The following WWC1 variants were observed in gnomAD, a reference collection of about 807,000 sequenced individuals.
The protein encoded by WWC1 is protein KIBRA.
WWC1 carries 55 observed loss-of-function variants against 138.4 expected under a neutral mutation model. The observed-to-expected ratio is 0.40, with a 90% CI of 0.32 to 0.50. The LOEUF (loss-of-function observed/expected upper bound fraction) is 0.50, where lower values mean the gene tolerates loss of function less well. Among genes scored for constraint, WWC1 ranks in the 20% least tolerant of loss-of-function variants. The probability of loss-of-function intolerance (pLI) is 0.72; values close to 1 mark genes in which losing one functional copy is unlikely to be tolerated. For synonymous variants in WWC1, 524 were observed against 564.9 expected (o/e 0.93, Z 1.03); for missense variants, 1,226 against 1,420.4 (o/e 0.86, Z 2.20).
At chr5:168,399,355 G>A (rs1234848950) in intron 4 of WWC1, 133 bp from the exon 5 acceptor site, 5 of 820,338 alleles carry the variant, frequency 6.1e-6, no homozygotes, top group East Asian at 2.7e-5. Flanking sequence ...GACCAGTGTG[G>A]CGCAAGGGGT....
chr5:168,471,253 CT>C lies in WWC1; in HGVS notation c.*2237del, dbSNP rs1757659837. On this transcript the variant is annotated 3_prime_UTR_variant, in exon 23 of 23. Coordinates refer to ENST00000265293, the MANE Select transcript of WWC1 (RefSeq NM_015238.3). ...TTCCCCCTGTGGCTTCCAGGCCCCC[CT>C]GTATAGCTGCTATCCAGCCCGATTT... 6.5e-6 allele frequency: 1 copy of C among 152,876 alleles called. No homozygotes were observed. The highest frequency in any genetic ancestry group is 2.4e-5 in the African/African-American group (1 of 41,468). The allele number at this position is 152,876 out of a possible 1,614,324, so 9.5% of individuals were successfully genotyped here. A position where few individuals can be genotyped will look rare whatever the true frequency, so the allele number is the denominator to read the frequency against.
chr5:168,343,194 A>G (rs796425678), intron 1 of WWC1, among the ~76,000 whole-genome samples: 2 of 140,968 alleles, frequency 1.4e-5, no homozygotes, highest in African/African-American at 2.8e-5. Flanking sequence ...GTGCTAGGAG[A>G]TACAGAAATA....
chr5:168,453,582 G>A (rs577327452), intron 17 of WWC1, among the ~76,000 whole-genome samples: 5 of 152,046 alleles, frequency 3.3e-5, no homozygotes, highest in African/African-American at 7.2e-5. Context: ...TTTCACTCTT[G>A]TTGCCCAGGC....
At chr5:168,309,741 C>T (rs1770899090) in intron 1 of WWC1, among the ~76,000 whole-genome samples, 1 of 152,066 alleles carries the variant, frequency 6.6e-6, no homozygotes, top group South Asian at 2.1e-4. Context: ...AACATAGAGA[C>T]CTCTCCCTCT....
At chr5:168,369,326 G>C (rs1053202119) in intron 1 of WWC1, among the ~76,000 whole-genome samples, 1 of 152,164 alleles carries the variant, frequency 6.6e-6, no homozygotes, top group African/African-American at 2.4e-5. Flanking sequence ...CTCAGAGAAG[G>C]AAAGTAAGTT....
At chr5:168,420,343 C>T (rs370067959) in intron 9 of WWC1, among the ~76,000 whole-genome samples, 10 of 152,282 alleles carry the variant, frequency 6.6e-5, no homozygotes, top group South Asian at 2.1e-4. Flanking sequence ...GGTCTTCCCC[C>T]GTGCCTGTGC....
At chr5:168,395,603 A>G (rs766783722) in intron 3 of WWC1, among the ~76,000 whole-genome samples, 2 of 152,190 alleles carry the variant, frequency 1.3e-5, no homozygotes, top group African/African-American at 2.4e-5. Context: ...TGAAATCCCC[A>G]AGTCTAGCAA....
At chr5:168,346,512 A>G (rs1368009445) in intron 1 of WWC1, among the ~76,000 whole-genome samples, 1 of 152,158 alleles carries the variant, frequency 6.6e-6, no homozygotes, top group Non-Finnish European at 1.5e-5. Flanking sequence ...ACAGGTAGAA[A>G]CACAGTGCCT....
At chr5:168,350,246 A>T (rs373808103) in intron 1 of WWC1, among the ~76,000 whole-genome samples, 1 of 152,194 alleles carries the variant, frequency 6.6e-6, no homozygotes, top group African/African-American at 2.4e-5. Flanking sequence ...ATGCAAAAAG[A>T]GGTCTCTCTT....
At chr5:168,354,740 C>A (rs1044633326) in intron 1 of WWC1, among the ~76,000 whole-genome samples, 6 of 152,118 alleles carry the variant, frequency 3.9e-5, no homozygotes, top group Non-Finnish European at 8.8e-5. Context: ...AGGGAGGGTT[C>A]TCAGGGCCCG....
rs10527141 is a variant in WWC1 at position 168,465,548 on chromosome 5, CTT to C, written c.3150+613_3150+614del. On this transcript the variant is annotated intron_variant, in intron 21 of 22. Coordinates refer to ENST00000265293, the MANE Select transcript of WWC1 (RefSeq NM_015238.3). ...CACACAAAGTTTTATATCAGCTGGG[CTT>C]TTTTTTTTTTTTTTTTTTTTTTTTT... is the stretch of plus-strand genomic sequence containing the variant. Among the ~76,000 whole-genome samples, 124 of 46,940 alleles carry C rather than the reference CTT, an allele frequency of 2.6e-3. 37 individuals are homozygous for C. The highest frequency in any genetic ancestry group is 8.6e-3 in the African/African-American group (102 of 11,924). 30.8% of individuals were successfully genotyped at this position (46,940 alleles called of 152,430 possible).
intron 2 of WWC1, among the ~76,000 whole-genome samples, chr5:168,371,887 T>C (rs960840677): frequency 2.0e-5 from 3 of 152,116 alleles, no homozygotes; most frequent in Non-Finnish European, 4.4e-5. Context: ...TATTTACATA[T>C]GTAAATTTGT....
At position 168,423,946 on chromosome 5, in the gene WWC1, A is replaced by G. The variant is rs1339278462; in HGVS notation, c.1688A>G (p.Asn563Ser). ...DPLLAGDAFLNSLEFEDPELS... is the reference protein window; with the variant it reads ...DPLLAGDAFLSSLEFEDPELS... ...CTCCTGGCTGGTGATGCCTTCCTCA[A>G]CTCCTTGGAGTTTGAAGACCCGGAG... Residue 563 changes from asparagine (N) to serine (S), a missense_variant, in exon 11 of 23, where the codon AAC becomes AGC. This residue lies in a region of WWC1 where 1,016 missense variants were observed against 1,153.9 expected (regional missense o/e 0.88). Transcript: ENST00000265293. 1.2e-6 allele frequency: 2 copies of G among 1,613,184 alleles called. No individual in the cohort carries two copies. The highest frequency in any genetic ancestry group is 1.6e-4 in the Middle Eastern group (1 of 6,084).
chr5:168,466,059 C>G (rs1757272975), intron 21 of WWC1, among the ~76,000 whole-genome samples: 2 of 152,158 alleles, frequency 1.3e-5, no homozygotes, highest in African/African-American at 4.8e-5. Context: ...AGCACAGCAG[C>G]AGCTTGGGGT....
At chr5:168,455,725 T>C (rs1405343043) in intron 19 of WWC1, among the ~76,000 whole-genome samples, 1 of 152,226 alleles carries the variant, frequency 6.6e-6, no homozygotes, top group Non-Finnish European at 1.5e-5. Context: ...TTGTAATTAG[T>C]ACTTGGTCAA....
At chr5:168,458,207 C>T (rs2152889116) in intron 19 of WWC1, among the ~76,000 whole-genome samples, 1 of 152,268 alleles carries the variant, frequency 6.6e-6, no homozygotes, top group Middle Eastern at 3.4e-3. Context: ...ATCTTACAGC[C>T]CTGTAAGGTG....
chr5:168,307,893 G>A (rs559752173), intron 1 of WWC1, among the ~76,000 whole-genome samples: 16 of 152,078 alleles, frequency 1.1e-4, no homozygotes, highest in East Asian at 5.8e-4. Context: ...TACAGGTGTG[G>A]GCCACCATGC....
At chr5:168,382,166 G>A (rs1777687557) in intron 2 of WWC1, among the ~76,000 whole-genome samples, 2 of 152,190 alleles carry the variant, frequency 1.3e-5, no homozygotes, top group Non-Finnish European at 2.9e-5. Context: ...CTGTACAGGT[G>A]TTTAAAAGAT....
At chr5:168,329,887 A>G (rs1356043225) in intron 1 of WWC1, among the ~76,000 whole-genome samples, 1 of 152,184 alleles carries the variant, frequency 6.6e-6, no homozygotes, top group Non-Finnish European at 1.5e-5. Flanking sequence ...AGGCAGGCGG[A>G]TCACCTGAGG....
Sources: gnomAD v4.1 joint callset for allele counts (sites outside exome capture counted in the v4.1 genomes callset) on GRCh38, gnomAD v4.1.1 for gene constraint, gnomAD v4.1.1 regional missense constraint, MANE v1.5 for transcripts, NCBI Gene and HGNC (gene_info 2026-07-23, HGNC 2026-07-21) for gene names.